Variants in NEBL observed in about 807,000 individuals in gnomAD.
NEBL encodes nebulette.
In NEBL, 122 loss-of-function variants were observed where a neutral mutation model predicts 140.2. The ratio of observed to expected loss-of-function variants is 0.87; its 90% CI spans 0.75 to 1.01. The LOEUF (loss-of-function observed/expected upper bound fraction) is 1.01. Ranked by LOEUF, NEBL falls within the 50% of genes least tolerant of loss-of-function variation. The probability of loss-of-function intolerance (pLI) is 0.00; values close to 1 mark genes in which losing one functional copy is unlikely to be tolerated. For synonymous variants in NEBL, 436 were observed against 398.9 expected (o/e 1.09, Z -1.11); for missense variants, 1,365 against 1,231.3 (o/e 1.11, Z -1.62).
rs180850975 is a variant in NEBL at position 20,809,870 on chromosome 10, G to A, written c.2547C>T (p.Gly849=). The part of the protein sequence containing the change: ...VDLKVWRTDP[G]SIFDLDPLED... ...CCAGGGGATCAAGGTCGAAGATGGA[G>A]CCAGGATCTGTGCGCCAAACTTTGA... The change falls in exon 25 of 28, where the codon GGC becomes GGT. Residue 849 remains glycine, a synonymous_variant. Coordinates refer to ENST00000377122, the MANE Select transcript of NEBL (RefSeq NM_006393.3). The A allele has an allele frequency of 2.6e-5, 42 of 1,611,710 alleles. No individual in the cohort carries two copies. In the East Asian group the frequency reaches 7.8e-4, roughly 30 times the overall value.
At chr10:20,825,669 A>G (rs1839780477) in intron 18 of NEBL, among the ~76,000 whole-genome samples, 1 of 152,094 alleles carries the variant, frequency 6.6e-6, no homozygotes, top group Non-Finnish European at 1.5e-5. Flanking sequence ...GTCTCAAAAA[A>G]AAAAAAGAAA....
chr10:21,048,794 G>A (rs566824980), intron 2 of NEBL, among the ~76,000 whole-genome samples: 13 of 152,158 alleles, frequency 8.5e-5, no homozygotes, highest in South Asian at 4.2e-4. Flanking sequence ...TCAGGAGTAC[G>A]AGACCAGCCT....
chr10:21,064,326 A>G (rs907653016), intron 2 of NEBL, among the ~76,000 whole-genome samples: 2 of 152,186 alleles, frequency 1.3e-5, no homozygotes, highest in African/African-American at 4.8e-5. Context: ...TTAGGATTTC[A>G]CTGCAAAGCC....
intron 2 of NEBL, among the ~76,000 whole-genome samples, chr10:21,143,700 T>C (rs1018672092): frequency 6.6e-6 from 1 of 152,054 alleles, no homozygotes; most frequent in Non-Finnish European, 1.5e-5. Context: ...ACCACCCCAC[T>C]TCCCCAGATC....
chr10:21,083,548 G>A (rs755372544), intron 2 of NEBL, among the ~76,000 whole-genome samples: 4 of 152,064 alleles, frequency 2.6e-5, no homozygotes, highest in South Asian at 2.1e-4. Flanking sequence ...ACTATATACC[G>A]CTCCTCTCAG....
chr10:21,261,805 A>G (rs1842742092), intron 1 of NEBL, among the ~76,000 whole-genome samples: 1 of 152,118 alleles, frequency 6.6e-6, no homozygotes, highest in Non-Finnish European at 1.5e-5. Context: ...CTTTAAAATA[A>G]AGAGATAGGA....
intron 3 of NEBL, among the ~76,000 whole-genome samples, chr10:20,968,588 C>T (rs777614989): frequency 2.6e-5 from 4 of 152,186 alleles, no homozygotes; most frequent in South Asian, 2.1e-4. Context: ...GCATGTATCA[C>T]GATAGACAAG....
At chr10:21,089,394 G>T (rs1428487145) in intron 2 of NEBL, among the ~76,000 whole-genome samples, 1 of 152,122 alleles carries the variant, frequency 6.6e-6, no homozygotes, top group Non-Finnish European at 1.5e-5. Context: ...CTCCAAGACT[G>T]CGTTGGAACA....
intron 6 of NEBL, among the ~76,000 whole-genome samples, 171 bp from the exon 7 acceptor site, chr10:20,868,936 G>GCTTA (rs1844628426): frequency 6.6e-6 from 1 of 151,822 alleles, no homozygotes; most frequent in South Asian, 2.1e-4. Context: ...TTTATCCTGT[G>GCTTA]CTTACATGAA....
intron 2 of NEBL, among the ~76,000 whole-genome samples, chr10:21,087,251 A>T (rs533593341): frequency 6.6e-6 from 1 of 152,354 alleles, no homozygotes; most frequent in South Asian, 2.1e-4. Flanking sequence ...TCACTAAATA[A>T]ATGAGTCAGT....
At chr10:21,279,791 T>C (rs866685290) in intron 1 of NEBL, among the ~76,000 whole-genome samples, 29 of 151,814 alleles carry the variant, frequency 1.9e-4, no homozygotes, top group Middle Eastern at 3.4e-3. Flanking sequence ...CCATTCTTAG[T>C]TTGTGGGCTG....
intron 3 of NEBL, among the ~76,000 whole-genome samples, chr10:21,228,644 AAC>A (rs1239294773): frequency 2.0e-4 from 31 of 152,370 alleles, no homozygotes; most frequent in African/African-American, 5.8e-4. Context: ...GGTTAATAAA[AAC>A]AGTCATTTTT....
intron 2 of NEBL, among the ~76,000 whole-genome samples, chr10:21,072,331 G>T (rs1835853706): frequency 6.6e-6 from 1 of 152,146 alleles, no homozygotes; most frequent in African/African-American, 2.4e-5. Context: ...CCCAAAGCCA[G>T]CACGTGCTTA....
intron 14 of NEBL, among the ~76,000 whole-genome samples, chr10:20,832,802 C>T (rs1338262275): frequency 6.6e-6 from 1 of 152,174 alleles, no homozygotes; most frequent in Non-Finnish European, 1.5e-5. Flanking sequence ...CTATCTTCCA[C>T]TCATAATCCT....
At chr10:20,955,350 C>T (rs1217183465) in intron 4 of NEBL, among the ~76,000 whole-genome samples, 1 of 152,154 alleles carries the variant, frequency 6.6e-6, no homozygotes, top group East Asian at 1.9e-4. Context: ...TGTTATAGCA[C>T]AAAGTCCCAC....
At chr10:21,119,700 T>G (rs1198068377) in intron 2 of NEBL, among the ~76,000 whole-genome samples, 1 of 152,042 alleles carries the variant, frequency 6.6e-6, no homozygotes, top group Non-Finnish European at 1.5e-5. Context: ...TTCTCTTATA[T>G]ATGCATAATT....
intron 2 of NEBL, among the ~76,000 whole-genome samples, chr10:21,122,399 C>A (rs1329834399): frequency 6.6e-6 from 1 of 152,168 alleles, no homozygotes; most frequent in East Asian, 1.9e-4. Flanking sequence ...ACTCTACCAT[C>A]TGTGTCTTCC....
chr10:21,170,965 A>T (rs1841044650), intron 2 of NEBL, among the ~76,000 whole-genome samples: 1 of 152,218 alleles, frequency 6.6e-6, no homozygotes, highest in Non-Finnish European at 1.5e-5. Context: ...GCAACATTCC[A>T]GCCAAAAGGC....
rs924565857 is a variant in NEBL, at chr10:20,859,738, T to C, written c.773A>G (p.Gln258Arg). The C allele has an allele frequency of 1.9e-6, 3 of 1,599,766 alleles. No individual in the cohort carries two copies. The highest frequency in any genetic ancestry group is 2.2e-5 in the East Asian group (1 of 44,632). Residue 258 changes from glutamine to arginine, a missense_variant, in exon 8 of 28, where the codon CAG becomes CGG. Around this residue, in one of 2 missense-constraint regions of NEBL, gnomAD observed 1,323 missense variants for 1,154.8 expected, o/e 1.15. Coordinates refer to ENST00000377122, the MANE Select transcript of NEBL (RefSeq NM_006393.3). ...PLESASFRQN[Q>R]LAATLASNVK... The stretch of plus-strand genomic sequence containing the variant: ...ATTGCTCGCCAGTGTAGCAGCAAGC[T>C]GATTCTGCCTAAAAGAAGCACTTTC...
Sources: allele counts gnomAD v4.1 joint callset (sites outside exome capture counted in the v4.1 genomes callset), GRCh38; gene constraint gnomAD v4.1.1; regional missense constraint gnomAD v4.1.1; transcripts MANE v1.5; gene names NCBI Gene and HGNC (gene_info 2026-07-23, HGNC 2026-07-21).